MYO3B: variants seen among roughly 807,000 people sequenced by gnomAD.
The protein encoded by MYO3B is myosin IIIB, also known as myosin-IIIb.
A neutral mutation model predicts 174.6 loss-of-function variants in MYO3B; 156 were observed. That is an observed-to-expected ratio of 0.89 (90% CI 0.78 to 1.02). The LOEUF is 1.02. MYO3B is among the 50% of genes least tolerant of loss of function. The pLI, the probability that MYO3B is intolerant of heterozygous loss-of-function variation, is 0.00. For missense variants in MYO3B, 1,632 were observed against 1,639.4 expected, an observed-to-expected ratio of 1.00 and a Z score of 0.08; for synonymous variants, 563 against 569.1, an observed-to-expected ratio of 0.99 and a Z score of 0.15.
chr2:170,353,138 A>G (rs1558916220), intron 8 of MYO3B, among the ~76,000 whole-genome samples: 1 of 152,248 alleles, frequency 6.6e-6, no homozygotes, highest in Non-Finnish European at 1.5e-5. Context: ...TACAAGTGCC[A>G]AAACTTGGAA....
intron 6 of MYO3B, among the ~76,000 whole-genome samples, chr2:170,219,203 C>T: frequency 6.6e-6 from 1 of 152,198 alleles, no homozygotes; most frequent in Non-Finnish European, 1.5e-5. Flanking sequence ...AAGTTTCCAC[C>T]ACGTCCTTAG....
At chr2:170,250,348 T>G (rs969912742) in intron 7 of MYO3B, among the ~76,000 whole-genome samples, 2 of 152,164 alleles carry the variant, frequency 1.3e-5, no homozygotes, top group African/African-American at 4.8e-5. Flanking sequence ...ACTGATGAAG[T>G]GTGCAGTCAA....
Position 170,652,993 on chromosome 2 carries a change from G to T in MYO3B, c.3898G>T (p.Val1300Leu), listed in dbSNP as rs894250564. The T allele has an allele frequency of 1.2e-6, 2 of 1,613,830 alleles. No individual in the cohort carries two copies. The highest frequency in any genetic ancestry group is 2.7e-5 in the African/African-American group (2 of 74,898). Reference sequence around the variant, plus strand: ...TTTTCTTTGTTGCAGCCAAATCAAAGTACTTGATGGGGAAGATGAATATTA... The same window carrying T: ...TTTTCTTTGTTGCAGCCAAATCAAATTACTTGATGGGGAAGATGAATATTA... The part of the protein sequence containing the change: ...RKPRKLGQIK[V>L]LDGEDEYYKS... Residue 1300 changes from valine (V) to leucine (L), a missense_variant, in exon 35 of 35, where the codon GTA (valine) becomes TTA (leucine). Coordinates refer to ENST00000408978, the MANE Select transcript of MYO3B (RefSeq NM_138995.5).
intron 27 of MYO3B, among the ~76,000 whole-genome samples, 174 bp downstream of exon 27, chr2:170,499,982 C>CTTTCCTTCCTTG (rs1687156471): frequency 6.7e-6 from 1 of 150,234 alleles, no homozygotes; most frequent in South Asian, 2.1e-4. Context: ...TTCCTTCCTT[C>CTTTCCTTCCTTG]CTTTAGCAAA....
intron 7 of MYO3B, among the ~76,000 whole-genome samples, chr2:170,243,460 T>C (rs1159959718): frequency 2.0e-5 from 3 of 151,008 alleles, no homozygotes; most frequent in Non-Finnish European, 3.0e-5. Context: ...TGTTCTACAG[T>C]CAATCTACAC....
intron 6 of MYO3B, among the ~76,000 whole-genome samples, chr2:170,227,976 C>G (rs1409696486): frequency 6.6e-6 from 1 of 152,076 alleles, no homozygotes; most frequent in African/African-American, 2.4e-5. Flanking sequence ...TAGAGGTTCT[C>G]CTTGTCCTTA....
chr2:170,599,025 G>A (rs1173599141), intron 32 of MYO3B, among the ~76,000 whole-genome samples: 1 of 152,176 alleles, frequency 6.6e-6, no homozygotes, highest in East Asian at 1.9e-4. Flanking sequence ...CTGCAGGTCA[G>A]GCCCAGTGTG....
intron 23 of MYO3B, among the ~76,000 whole-genome samples, chr2:170,450,747 C>G (rs1683553697): frequency 6.6e-6 from 1 of 152,152 alleles, no homozygotes; most frequent in South Asian, 2.1e-4. Context: ...TTAGTTTGAC[C>G]ATAAGGTAAG....
chr2:170,363,891 T>C (rs954033680), intron 8 of MYO3B, among the ~76,000 whole-genome samples: 1 of 152,160 alleles, frequency 6.6e-6, no homozygotes, highest in Non-Finnish European at 1.5e-5. Context: ...TCCTAATTTT[T>C]TAAAAAAGAT....
Position 170,383,150 on chromosome 2 carries a change from C to T in MYO3B, c.1146C>T (p.Ala382=), listed in dbSNP as rs778283489. Residue 382 remains alanine (A), a synonymous_variant, in exon 11 of 35, where the codon GCC becomes GCT. Coordinates refer to ENST00000408978, the MANE Select transcript of MYO3B (RefSeq NM_138995.5). ...CATATGTTGGAGACATCTTAATTGC[C>T]TTAAACCCCTTCCAGAATCTAAGCA... The part of the protein sequence containing the change: ...IYTYVGDILI[A]LNPFQNLSIY... 1.2e-6 allele frequency: 2 copies of T among 1,612,796 alleles called. No homozygotes were observed. The highest frequency in any genetic ancestry group is 2.2e-5 in the East Asian group (1 of 44,776).
chr2:170,320,375 G>T (rs1330898069), intron 7 of MYO3B, among the ~76,000 whole-genome samples: 1 of 152,138 alleles, frequency 6.6e-6, no homozygotes, highest in African/African-American at 2.4e-5. Context: ...GAAAATATAA[G>T]AAGTATATTT....
At chr2:170,515,162 T>A in intron 29 of MYO3B, 140 bp downstream of exon 29, 1 of 682,364 alleles carries the variant, frequency 1.5e-6, no homozygotes, top group Non-Finnish European at 2.4e-6. Context: ...GACAGCCAAT[T>A]AAATTTAAGG....
intron 7 of MYO3B, chr2:170,331,976 G>A (rs762955496): frequency 2.6e-5 from 4 of 152,152 alleles, no homozygotes; most frequent in Non-Finnish European, 5.9e-5. Context: ...GGTAATCCAA[G>A]ACAACCTCCC....
intron 22 of MYO3B, among the ~76,000 whole-genome samples, chr2:170,432,824 C>T (rs1194442057): frequency 6.6e-6 from 1 of 151,736 alleles, no homozygotes; most frequent in East Asian, 1.9e-4. Flanking sequence ...ATCCACCTGC[C>T]TCGGCCTCCT....
Position 170,618,433 on chromosome 2 carries a change from G to A in MYO3B, c.3734-33195G>A, listed in dbSNP as rs562606674. 2.1e-3 allele frequency among the ~76,000 whole-genome samples: 327 copies of A among 152,258 alleles called. 1 individual carries two copies. Among genetic ancestry groups the A allele is most frequent in the Non-Finnish European group, 3.0e-3 (207 of 68,022 alleles). ...TGTCTGGATTGTCTGTTGTAAAGGA[G>A]TTAGCGTGGTCTTTTCTTCTTTTTG... On this transcript the variant is annotated intron_variant, in intron 32 of 34. Transcript: ENST00000408978.
intron 8 of MYO3B, among the ~76,000 whole-genome samples, chr2:170,345,781 G>T (rs2094011184): frequency 6.6e-6 from 1 of 150,396 alleles, no homozygotes; most frequent in Non-Finnish European, 1.5e-5. Context: ...AGTAGGATGG[G>T]CCCCAATCTA....
At chr2:170,349,581 T>A (rs917572084) in intron 8 of MYO3B, 10 of 151,888 alleles carry the variant, frequency 6.6e-5, no homozygotes, top group Admixed American at 4.6e-4. Flanking sequence ...GGTGGATCAC[T>A]TGAGGTCAGG....
intron 7 of MYO3B, among the ~76,000 whole-genome samples, chr2:170,322,360 A>G (rs1279373936): frequency 6.6e-6 from 1 of 152,242 alleles, no homozygotes. Flanking sequence ...ACAATGTCAG[A>G]AAAATAAATG....
At chr2:170,409,191 A>G (rs929384636) in intron 22 of MYO3B, among the ~76,000 whole-genome samples, 1 of 152,226 alleles carries the variant, frequency 6.6e-6, no homozygotes, top group Admixed American at 6.5e-5. Flanking sequence ...CCGATTTTTC[A>G]ACCTTTGGCA....
Sources: allele counts gnomAD v4.1 joint callset (sites outside exome capture counted in the v4.1 genomes callset), GRCh38; gene constraint gnomAD v4.1.1; transcripts MANE v1.5; gene names NCBI Gene and HGNC (gene_info 2026-07-23, HGNC 2026-07-21).